Variants in IL1RAPL2 observed in about 807,000 individuals in gnomAD.
IL1RAPL2 encodes interleukin 1 receptor accessory protein like 2.
In IL1RAPL2, 3 loss-of-function variants were observed where a neutral mutation model predicts 44.1. That is an observed-to-expected ratio of 0.07 (90% CI 0.03 to 0.18). The LOEUF (loss-of-function observed/expected upper bound fraction) is 0.18, where lower values mean the gene tolerates loss of function less well. IL1RAPL2 is among the 10% of genes least tolerant of loss of function. The probability of loss-of-function intolerance (pLI) is 1.00; values close to 1 mark genes in which losing one functional copy is unlikely to be tolerated. For missense variants in IL1RAPL2, 391 were observed against 496.4 expected (o/e 0.79, Z 2.02); for synonymous variants, 181 against 178.8 (o/e 1.01, Z -0.10).
At chrX:104,584,347 A>C in intron 1 of IL1RAPL2, among the ~76,000 whole-genome samples, 1 of 109,900 alleles carries the variant, frequency 9.1e-6, no homozygotes, top group East Asian at 2.9e-4. Flanking sequence ...TACCTTGGGT[A>C]CTCTTCTTTA....
intron 1 of IL1RAPL2, among the ~76,000 whole-genome samples, chrX:104,607,985 T>C (rs1290606987): frequency 1.8e-5 from 2 of 111,761 alleles, no homozygotes; most frequent in African/African-American, 6.5e-5. Flanking sequence ...AACCCAAATG[T>C]CCATCAATGA....
At chrX:105,665,101 A>T (rs1250092807) in intron 6 of IL1RAPL2, among the ~76,000 whole-genome samples, 2 of 112,138 alleles carry the variant, frequency 1.8e-5, no homozygotes, top group African/African-American at 6.5e-5. Flanking sequence ...ACCAGGCAAC[A>T]GTAGGCTATT....
chrX:105,498,392 G>A (rs375091901), intron 6 of IL1RAPL2, among the ~76,000 whole-genome samples: 3 of 111,355 alleles, frequency 2.7e-5, no homozygotes, highest in African/African-American at 9.8e-5. Flanking sequence ...AGATAAAGAA[G>A]GCACAAATAA....
intron 6 of IL1RAPL2, among the ~76,000 whole-genome samples, chrX:105,682,638 A>G (rs2037935143): frequency 8.9e-6 from 1 of 112,233 alleles, no homozygotes; most frequent in African/African-American, 3.2e-5. Flanking sequence ...TGAAATATTT[A>G]TACCAATAAT....
chrX:105,671,107 C>T (rs2147853020), intron 6 of IL1RAPL2, among the ~76,000 whole-genome samples: 1 of 110,193 alleles, frequency 9.1e-6, no homozygotes, highest in East Asian at 2.9e-4. Context: ...CCACCACGCC[C>T]TGCTAATTTT....
At chrX:104,697,300 A>G (rs953295281) in intron 2 of IL1RAPL2, among the ~76,000 whole-genome samples, 4 of 112,483 alleles carry the variant, frequency 3.6e-5, no homozygotes, top group African/African-American at 1.3e-4. Flanking sequence ...CCTTTGAAAG[A>G]CAAAAGAGGT....
At chrX:104,890,292 T>G (rs1483901409) in intron 2 of IL1RAPL2, among the ~76,000 whole-genome samples, 2 of 112,102 alleles carry the variant, frequency 1.8e-5, no homozygotes, top group Non-Finnish European at 3.8e-5. Context: ...GCATGATTTA[T>G]AGTCCTTTGG....
chrX:105,221,707 C>T (rs2033966241), intron 3 of IL1RAPL2, among the ~76,000 whole-genome samples: 2 of 111,784 alleles, frequency 1.8e-5, no homozygotes, highest in African/African-American at 6.5e-5. Flanking sequence ...AGTTAGTTTG[C>T]GGTTTGTTAG....
intron 2 of IL1RAPL2, among the ~76,000 whole-genome samples, chrX:105,101,789 TG>T (rs1458256528): frequency 1.5e-4 from 17 of 111,871 alleles, no homozygotes; most frequent in Admixed American, 6.6e-4. Flanking sequence ...TTAAAGACAT[TG>T]CTTCTGTTAA....
At chrX:104,626,228 C>T (rs1291834019) in intron 1 of IL1RAPL2, among the ~76,000 whole-genome samples, 1 of 109,744 alleles carries the variant, frequency 9.1e-6, no homozygotes, top group Non-Finnish European at 1.9e-5. Flanking sequence ...TTAGTACCTG[C>T]TAAGTATATA....
chrX:105,198,658 A>G (rs1374263894), intron 3 of IL1RAPL2, among the ~76,000 whole-genome samples: 1 of 111,512 alleles, frequency 9.0e-6, no homozygotes, highest in Admixed American at 9.5e-5. Flanking sequence ...TTCAGTATCC[A>G]TCTCTGGTAG....
In IL1RAPL2 at chrX:105,454,535, G is replaced by A. The variant is rs767394257; in HGVS notation, c.698-29778G>A. Among the ~76,000 whole-genome samples, 8 of 111,191 alleles carry A rather than the reference G, an allele frequency of 7.2e-5. No homozygotes were observed. In the East Asian group the frequency reaches 2.3e-3, roughly 32 times the overall value. ...TACACCTCAAAAAACAGGCAGTCCA[G>A]CACAGAGTATAGGCTTCTCCCCAAA... On this transcript the variant is annotated intron_variant, in intron 5 of 10. Coordinates refer to ENST00000372582, the MANE Select transcript of IL1RAPL2 (RefSeq NM_017416.2).
At chrX:104,910,721 C>T (rs1924209501) in intron 2 of IL1RAPL2, among the ~76,000 whole-genome samples, 1 of 111,934 alleles carries the variant, frequency 8.9e-6, no homozygotes, top group Admixed American at 9.5e-5. Flanking sequence ...AATTTTGTAG[C>T]TCTCTTCACT....
intron 7 of IL1RAPL2, among the ~76,000 whole-genome samples, chrX:105,734,597 A>G (rs112364235): frequency 0.046 from 5,083 of 110,199 alleles, 303 homozygotes; most frequent in African/African-American, 0.16. Context: ...GGGTCTTGCT[A>G]TGTTTCCCAG....
intron 2 of IL1RAPL2, among the ~76,000 whole-genome samples, chrX:104,917,053 G>A (rs186887034): frequency 5.4e-5 from 6 of 111,753 alleles, no homozygotes; most frequent in African/African-American, 2.0e-4. Context: ...GTCTCTACCA[G>A]GTTTTGGTAT....
At chrX:105,278,001 G>A (rs148571517) in intron 5 of IL1RAPL2, among the ~76,000 whole-genome samples, 1,675 of 111,579 alleles carry the variant, frequency 0.015, 33 homozygotes, top group African/African-American at 0.052. Context: ...TGACAACCAT[G>A]GAGAGATTGC....
intron 2 of IL1RAPL2, among the ~76,000 whole-genome samples, chrX:104,844,266 G>T (rs138302191): frequency 9.0e-6 from 1 of 111,198 alleles, no homozygotes; most frequent in Non-Finnish European, 1.9e-5. Flanking sequence ...ATCAATGTTC[G>T]TAGTACCAAG....
chrX:105,212,606 C>T (rs1175261816), intron 3 of IL1RAPL2, among the ~76,000 whole-genome samples: 1 of 112,081 alleles, frequency 8.9e-6, no homozygotes, highest in Non-Finnish European at 1.9e-5. Flanking sequence ...GGGACTCTCC[C>T]AGCACAGCAC....
intron 2 of IL1RAPL2, among the ~76,000 whole-genome samples, chrX:104,843,296 A>C (rs978756728): frequency 2.7e-4 from 30 of 111,886 alleles, no homozygotes; most frequent in African/African-American, 8.1e-4. Context: ...AGACTTCTGC[A>C]CTGGCTGTGA....
Sources: gnomAD v4.1 joint callset for allele counts (sites outside exome capture counted in the v4.1 genomes callset) on GRCh38, gnomAD v4.1.1 for gene constraint, MANE v1.5 for transcripts, NCBI Gene and HGNC (gene_info 2026-07-23, HGNC 2026-07-21) for gene names.